The following CTIF variants were observed in gnomAD, a reference collection of about 807,000 sequenced individuals.
CTIF encodes CBP80/20-dependent translation initiation factor.
In CTIF, 21 loss-of-function variants were observed where a neutral mutation model predicts 66.0. The observed-to-expected ratio is 0.32, with a 90% confidence interval of 0.23 to 0.46. The LOEUF (loss-of-function observed/expected upper bound fraction) is 0.46. CTIF is among the 20% of genes least tolerant of loss of function. The pLI, the probability that CTIF is intolerant of heterozygous loss-of-function variation, is 1.00. For synonymous variants in CTIF, 345 were observed against 326.4 expected, an observed-to-expected ratio of 1.06 and a Z score of -0.62; for missense variants, 739 against 812.7, an observed-to-expected ratio of 0.91 and a Z score of 1.10.
chr18:48,808,059 C>G (rs546096209), intron 9 of CTIF, among the ~76,000 whole-genome samples: 40 of 152,190 alleles, frequency 2.6e-4, no homozygotes, highest in African/African-American at 9.6e-4. Context: ...AATAAGAACT[C>G]TTAAGACTTA....
At position 48,758,137 on chromosome 18, in the gene CTIF, A is replaced by G; in HGVS notation, c.803A>G (p.His268Arg). The G allele has an allele frequency of 6.2e-7, 1 of 1,614,024 alleles. No individual in the cohort carries two copies. The highest frequency in any genetic ancestry group is 2.2e-5 in the East Asian group (1 of 44,850). Residue 268 changes from histidine (H) to arginine (R), a missense_variant, in exon 8 of 12, where the codon CAC becomes CGC. This residue lies in a region of CTIF where 529 missense variants were observed against 520.3 expected (regional missense o/e 1.02). Coordinates refer to ENST00000256413, the MANE Select transcript of CTIF (RefSeq NM_014772.3). ...PPGDKGEAGAHRNAKETMTIE... is the reference protein window; with the variant it reads ...PPGDKGEAGARRNAKETMTIE... ...GGCGACAAGGGGGAGGCAGGCGCAC[A>G]CCGCAATGCCAAAGAGACCATGACC...
At chr18:48,597,821 G>A (rs1458626804) in intron 1 of CTIF, among the ~76,000 whole-genome samples, 1 of 152,228 alleles carries the variant, frequency 6.6e-6, no homozygotes, top group African/African-American at 2.4e-5. Context: ...ATGGGCTGAG[G>A]AAGCAGCCTG....
chr18:48,691,825 A>G (rs1177881995), intron 6 of CTIF, among the ~76,000 whole-genome samples: 2 of 151,696 alleles, frequency 1.3e-5, no homozygotes, highest in African/African-American at 2.4e-5. Context: ...CTTATCCTCC[A>G]CCGCCCCTCA....
chr18:48,745,809 G>C (rs1353448420), intron 7 of CTIF, among the ~76,000 whole-genome samples: 1 of 152,004 alleles, frequency 6.6e-6, no homozygotes, highest in Non-Finnish European at 1.5e-5. Context: ...AAGATGGCTG[G>C]GCTGGGGGTT....
chr18:48,794,537 G>A (rs2146166118), intron 9 of CTIF, among the ~76,000 whole-genome samples: 1 of 152,350 alleles, frequency 6.6e-6, no homozygotes, highest in Non-Finnish European at 1.5e-5. Context: ...TGGCTGAGTA[G>A]TGGGGATTGA....
chr18:48,855,682 C>T (rs563212916), intron 10 of CTIF, among the ~76,000 whole-genome samples: 7 of 152,276 alleles, frequency 4.6e-5, no homozygotes, highest in East Asian at 1.9e-4. Flanking sequence ...ACCAGGATGA[C>T]GCATCAGGAC....
intron 1 of CTIF, among the ~76,000 whole-genome samples, chr18:48,600,441 A>T (rs1271398178): frequency 1.3e-5 from 2 of 151,972 alleles, no homozygotes; most frequent in East Asian, 3.9e-4. Flanking sequence ...TCTGGGCAGG[A>T]TTTCCTATGC....
intron 1 of CTIF, among the ~76,000 whole-genome samples, chr18:48,578,421 C>T (rs1458365942): frequency 1.3e-5 from 2 of 152,184 alleles, no homozygotes; most frequent in African/African-American, 2.4e-5. Flanking sequence ...AAAATGGCTG[C>T]ACCACTTTAC....
In CTIF at chr18:48,554,240, G is replaced by A. The variant is rs563987449; in HGVS notation, c.-29+14928G>A. 9.8e-5 allele frequency among the ~76,000 whole-genome samples: 15 copies of A among 152,368 alleles called. No individual in the cohort carries two copies. In the South Asian group the frequency reaches 2.9e-3, roughly 29 times the overall value. ...CACTTCTTCCAATGGGAACATTTAA[G>A]CAAGAGAAACCAGTGACTTGGCCAA... On this transcript the variant is annotated intron_variant, in intron 1 of 11. Coordinates refer to ENST00000256413, the MANE Select transcript of CTIF (RefSeq NM_014772.3).
intron 1 of CTIF, among the ~76,000 whole-genome samples, chr18:48,605,472 C>G (rs2090185136): frequency 1.3e-5 from 2 of 152,222 alleles, no homozygotes; most frequent in Admixed American, 1.3e-4. Context: ...CAGTTAACCA[C>G]TCAGCCTGCT....
At chr18:48,826,149 G>C (rs1187319454) in intron 10 of CTIF, 1 of 152,190 alleles carries the variant, frequency 6.6e-6, no homozygotes, top group Non-Finnish European at 1.5e-5. Context: ...TACTCATCCT[G>C]TGGCTTTGTT....
intron 2 of CTIF, among the ~76,000 whole-genome samples, chr18:48,632,054 T>C (rs1285039663): frequency 6.6e-6 from 1 of 152,144 alleles, no homozygotes; most frequent in East Asian, 1.9e-4. Context: ...GAGGTGGTGG[T>C]GCCTGTGCCA....
intron 10 of CTIF, among the ~76,000 whole-genome samples, chr18:48,827,821 A>G (rs938843314): frequency 6.6e-6 from 1 of 152,130 alleles, no homozygotes; most frequent in Non-Finnish European, 1.5e-5. Flanking sequence ...TGTCCCCTCC[A>G]GAGCTTTCGT....
intron 6 of CTIF, chr18:48,692,454 A>G (rs1244833233): frequency 6.6e-6 from 1 of 152,148 alleles, no homozygotes; most frequent in Non-Finnish European, 1.5e-5. Context: ...CCATCCATCA[A>G]AATCTCTCTC....
rs181150148 is a variant in CTIF at position 48,857,654 on chromosome 18, G to T, written c.1581+13G>T. 8.8e-6 allele frequency: 14 copies of T among 1,599,740 alleles called. No individual in the cohort carries two copies. The highest frequency in any genetic ancestry group is 3.3e-4 in the Middle Eastern group (2 of 6,012). The stretch of plus-strand genomic sequence containing the variant: ...CTGCTCTATGGAGGTAAGCTTTGGG[G>T]CTTCGACATCCCCAACCTCAAAGCC... On this transcript the variant is annotated intron_variant, in intron 11 of 11. Coordinates refer to ENST00000256413, the MANE Select transcript of CTIF (RefSeq NM_014772.3).
At chr18:48,657,810 A>C (rs773615737) in intron 3 of CTIF, among the ~76,000 whole-genome samples, 1 of 152,112 alleles carries the variant, frequency 6.6e-6, no homozygotes, top group Non-Finnish European at 1.5e-5. Context: ...CCTAAAGTGA[A>C]ATATAACTCC....
chr18:48,698,023 G>A (rs2092030815), intron 6 of CTIF, among the ~76,000 whole-genome samples: 1 of 140,840 alleles, frequency 7.1e-6, no homozygotes, highest in Non-Finnish European at 1.5e-5. Flanking sequence ...TATGACCAGA[G>A]CCAGGAACCA....
chr18:48,583,751 G>A (rs973532337), intron 1 of CTIF, among the ~76,000 whole-genome samples: 5 of 152,212 alleles, frequency 3.3e-5, no homozygotes, highest in African/African-American at 9.6e-5. Flanking sequence ...AGTTGAGCAG[G>A]TGGCAGGGGC....
intron 10 of CTIF, among the ~76,000 whole-genome samples, chr18:48,834,113 C>G (rs2068756500): frequency 6.6e-6 from 1 of 151,382 alleles, no homozygotes; most frequent in African/African-American, 2.4e-5. Flanking sequence ...TATGAAGGGC[C>G]AGATAGTAAA....
Sources: gnomAD v4.1 joint callset for allele counts (sites outside exome capture counted in the v4.1 genomes callset) on GRCh38, gnomAD v4.1.1 for gene constraint, gnomAD v4.1.1 regional missense constraint, MANE v1.5 for transcripts, NCBI Gene and HGNC (gene_info 2026-07-23, HGNC 2026-07-21) for gene names.